KIAA0586: variants seen among roughly 807,000 people sequenced by gnomAD.
KIAA0586 encodes the protein protein TALPID3.
A neutral mutation model predicts 169.8 loss-of-function variants in KIAA0586; 144 were observed. The observed-to-expected ratio is 0.85, with a 90% CI of 0.74 to 0.97. The LOEUF is 0.97. KIAA0586 is among the 50% of genes least tolerant of loss of function. KIAA0586 has a pLI of 0.00. For synonymous variants in KIAA0586, 625 were observed against 612.4 expected (o/e 1.02, Z -0.30); for missense variants, 1,854 against 1,823.0 (o/e 1.02, Z -0.31).
rs548318176 is a variant in KIAA0586, at chr14:58,453,453, G to C, written c.1233G>C (p.Trp411Cys). Residue 411 changes from tryptophan to cysteine, a missense_variant, in exon 9 of 31, where the codon TGG (tryptophan) becomes TGC (cysteine). Physicochemically the swap from Trp to Cys is radical, Grantham distance 215. Transcript: ENST00000652326. ...TTSLTRSKIG[W>C]TPEKTNRFPS... is the part of the protein sequence containing the mutation. ...CACTAACTAGGTCAAAAATAGGATG[G>C]ACTCCTGAGAAAACAAACAGGTAAA... The C allele has an allele frequency of 6.6e-7, 1 of 1,513,710 alleles. No homozygotes were observed. Among genetic ancestry groups the C allele is most frequent in the East Asian group, 2.5e-5 (1 of 39,360 alleles). 93.8% of individuals were successfully genotyped at this position (1,513,710 alleles called of 1,614,324 possible).
chr14:58,472,610 G>T (rs920528358), intron 18 of KIAA0586, among the ~76,000 whole-genome samples: 7 of 151,250 alleles, frequency 4.6e-5, no homozygotes, highest in Admixed American at 2.6e-4. Flanking sequence ...TTGGTTTTTG[G>T]ATTCATGGTG....
chr14:58,456,669 C>T (rs768486477), intron 9 of KIAA0586, 33 bp from the exon 10 acceptor site: 2 of 1,244,918 alleles, frequency 1.6e-6, no homozygotes, highest in Non-Finnish European at 2.3e-6. Flanking sequence ...TTTCAAAAAT[C>T]TTCTGTAGCG....
chr14:58,428,896 C>T (rs1000775294), intron 1 of KIAA0586, among the ~76,000 whole-genome samples: 4 of 152,068 alleles, frequency 2.6e-5, no homozygotes, highest in African/African-American at 9.7e-5. Context: ...CTGTCTAGAG[C>T]TCAGTGAAAA....
At chr14:58,434,099 A>G (rs1205786382) in intron 4 of KIAA0586, among the ~76,000 whole-genome samples, 1 of 152,208 alleles carries the variant, frequency 6.6e-6, no homozygotes, top group Admixed American at 6.5e-5. Flanking sequence ...AAGAAAACAT[A>G]AACACAGTAG....
intron 29 of KIAA0586, among the ~76,000 whole-genome samples, chr14:58,526,619 C>T (rs533945561): frequency 1.3e-5 from 2 of 152,256 alleles, no homozygotes; most frequent in Admixed American, 6.5e-5. Context: ...TGCAAAAAGC[C>T]TGAAAATTCC....
chr14:58,504,832 T>C (rs1335799937), intron 27 of KIAA0586, among the ~76,000 whole-genome samples: 4 of 152,138 alleles, frequency 2.6e-5, no homozygotes, highest in South Asian at 2.1e-4. Context: ...ATACCTGTCA[T>C]GTGTACTCTC....
At chr14:58,519,856 CGGAAGAA>C (rs1483412373) in intron 29 of KIAA0586, among the ~76,000 whole-genome samples, 2 of 151,976 alleles carry the variant, frequency 1.3e-5, no homozygotes, top group Non-Finnish European at 2.9e-5. Flanking sequence ...AGTAATAAGA[CGGAAGAA>C]GGAAGGGAAG....
the KIAA0586 span, among the ~76,000 whole-genome samples, chr14:58,561,505 T>C: frequency 6.6e-6 from 1 of 152,218 alleles, no homozygotes; most frequent in African/African-American, 2.4e-5. Context: ...ATTTTTCCAA[T>C]AGGAAAACAA....
In KIAA0586 at chr14:58,459,956, T is replaced by C. The variant is rs1446859371; in HGVS notation, c.1770T>C (p.Thr590=). The C allele has an allele frequency of 1.3e-6, 2 of 1,533,398 alleles. No homozygotes were observed. Among genetic ancestry groups the C allele is most frequent in the Non-Finnish European group, 1.7e-6 (2 of 1,144,912 alleles). 95.0% of individuals were successfully genotyped at this position (1,533,398 alleles called of 1,614,324 possible). A position where few individuals can be genotyped will look rare whatever the true frequency, so the allele number is the denominator to read the frequency against. The change falls in exon 13 of 31, where the codon ACT becomes ACC. Residue 590 remains threonine (T), a synonymous_variant. Transcript: ENST00000652326. ...TTAGAACCAACACACAAGATAAAAC[T>C]GTCAACAAATCTGTAATTCCAAGAA... is the stretch of plus-strand genomic sequence containing the variant. ...KDIRTNTQDK[T]VNKSVIPRKH... is the part of the protein sequence containing the mutation.
chr14:58,478,996 A>C (rs182656916), intron 20 of KIAA0586, among the ~76,000 whole-genome samples: 1 of 152,360 alleles, frequency 6.6e-6, no homozygotes, highest in Admixed American at 6.5e-5. Context: ...GGCTATTATG[A>C]ATAAAGCTGC....
intron 29 of KIAA0586, among the ~76,000 whole-genome samples, chr14:58,515,596 C>T (rs540593653): frequency 6.6e-6 from 1 of 152,042 alleles, no homozygotes; most frequent in Admixed American, 6.6e-5. Flanking sequence ...AATTTCAAAA[C>T]CATAGTTATA....
chr14:58,443,424 T>C (rs1232937584), intron 5 of KIAA0586, among the ~76,000 whole-genome samples: 1 of 152,252 alleles, frequency 6.6e-6, no homozygotes, highest in Non-Finnish European at 1.5e-5. Context: ...ATAAAATTAT[T>C]TGTGGCAGAT....
At chr14:58,527,771 A>G (rs1173160089) in intron 29 of KIAA0586, among the ~76,000 whole-genome samples, 1 of 152,224 alleles carries the variant, frequency 6.6e-6, no homozygotes, top group Non-Finnish European at 1.5e-5. Flanking sequence ...TGTAAAGACC[A>G]TTGACACTAT....
At chr14:58,457,677 C>A in intron 10 of KIAA0586, 82 bp from the exon 11 acceptor site, 1 of 814,302 alleles carries the variant, frequency 1.2e-6, no homozygotes, top group Non-Finnish European at 1.9e-6. Context: ...TAATGTATGG[C>A]CTCAACAATA....
chr14:58,515,525 G>T (rs539448431), intron 29 of KIAA0586, among the ~76,000 whole-genome samples: 340 of 152,074 alleles, frequency 2.2e-3, no homozygotes, highest in Non-Finnish European at 4.1e-3. Flanking sequence ...TGCATTTTTT[G>T]CCTTTGTATT....
intron 4 of KIAA0586, among the ~76,000 whole-genome samples, chr14:58,442,472 T>G (rs988670005): frequency 6.6e-6 from 1 of 152,230 alleles, no homozygotes; most frequent in Non-Finnish European, 1.5e-5. Context: ...TTTCATATGT[T>G]TAATTCTTAT....
At chr14:58,493,467 T>G (rs548168475) in intron 26 of KIAA0586, among the ~76,000 whole-genome samples, 1 of 152,326 alleles carries the variant, frequency 6.6e-6, no homozygotes, top group African/African-American at 2.4e-5. Context: ...ATAGTGCTGT[T>G]TCTATCATAT....
At chr14:58,510,870 A>G (rs1029114730) in intron 28 of KIAA0586, among the ~76,000 whole-genome samples, 44 of 152,256 alleles carry the variant, frequency 2.9e-4, no homozygotes, top group African/African-American at 8.9e-4. Context: ...CATACCAAAA[A>G]AAAAAAACAC....
At chr14:58,485,216 C>T (rs1437942506) in intron 21 of KIAA0586, among the ~76,000 whole-genome samples, 2 of 151,404 alleles carry the variant, frequency 1.3e-5, no homozygotes, top group Non-Finnish European at 2.9e-5. Flanking sequence ...GCCACCGCAC[C>T]TGGCCCAAAT....
Sources: gnomAD v4.1 joint callset for allele counts (sites outside exome capture counted in the v4.1 genomes callset) on GRCh38, gnomAD v4.1.1 for gene constraint, MANE v1.5 for transcripts, NCBI Gene and HGNC (gene_info 2026-07-23, HGNC 2026-07-21) for gene names.